Variants in ZMIZ1 observed in about 807,000 individuals in gnomAD.
ZMIZ1 encodes the protein zinc finger MIZ-type containing 1.
ZMIZ1 carries 17 observed loss-of-function variants against 113.9 expected under a neutral mutation model. The ratio of observed to expected loss-of-function variants is 0.15; its 90% confidence interval spans 0.10 to 0.22. The LOEUF is 0.22. Among genes scored for constraint, ZMIZ1 ranks in the 10% least tolerant of loss-of-function variants. The pLI is 1.00. For missense variants in ZMIZ1, 1,059 were observed against 1,477.8 expected (o/e 0.72, Z 4.65); for synonymous variants, 607 against 603.1 (o/e 1.01, Z -0.09).
chr10:79,081,291 C>T lies in ZMIZ1; in HGVS notation c.-337+12021C>T, dbSNP rs1201699503. On this transcript the variant is annotated intron_variant, in intron 1 of 24. Transcript: ENST00000334512. Reference sequence around the variant, plus strand: ...AGGCTGGAGAAGGCAGAATGGGCTTCCTGGGGAGGTGGCCTTCTTATATCC... The same window carrying T: ...AGGCTGGAGAAGGCAGAATGGGCTTTCTGGGGAGGTGGCCTTCTTATATCC... Among the ~76,000 whole-genome samples the T allele has an allele frequency of 3.3e-5, 5 of 152,170 alleles. No individual in the cohort carries two copies. The South Asian group carries it at 8.3e-4, about 25-fold the overall frequency.
At chr10:79,204,486 G>A (rs192487464) in intron 5 of ZMIZ1, among the ~76,000 whole-genome samples, 228 of 152,302 alleles carry the variant, frequency 1.5e-3, no homozygotes, top group Non-Finnish European at 2.5e-3. Context: ...CTGAGCATCT[G>A]TACCCCATCC....
At position 79,139,772 on chromosome 10, in the gene ZMIZ1, C is replaced by G. The variant is rs11002849; in HGVS notation, c.-136C>G. 4 of 398,736 alleles carry G rather than the reference C, an allele frequency of 1.0e-5. No homozygotes were observed. The highest frequency in any genetic ancestry group is 1.8e-5 in the Non-Finnish European group (4 of 226,164). The allele number at this position is 398,736 out of a possible 1,614,324, so 24.7% of individuals were successfully genotyped here. A position where few individuals can be genotyped will look rare whatever the true frequency, so the allele number is the denominator to read the frequency against. On this transcript the variant is annotated 5_prime_UTR_variant, in exon 3 of 25. Transcript: ENST00000334512. The stretch of plus-strand genomic sequence containing the variant: ...TGTTTTTCACTGAGCTGCCATACCC[C>G]GAAAGGTAACACCAGCCCCCGATGC...
At chr10:79,210,497 G>A (rs1191013316) in intron 6 of ZMIZ1, among the ~76,000 whole-genome samples, 1 of 152,250 alleles carries the variant, frequency 6.6e-6, no homozygotes, top group African/African-American at 2.4e-5. Context: ...TCTGGGAGAA[G>A]GGGCAAGGGT....
At chr10:79,120,163 G>A (rs1844225450) in intron 2 of ZMIZ1, among the ~76,000 whole-genome samples, 1 of 152,206 alleles carries the variant, frequency 6.6e-6, no homozygotes, top group Admixed American at 6.5e-5. Context: ...GAGTGGTGGT[G>A]AGTGCATAGA....
Position 79,108,177 on chromosome 10 carries a change from G to C in ZMIZ1, c.-336-10738G>C, listed in dbSNP as rs1156232953. ...GATACAGATGGTTGTATTATTAATA[G>C]TCATAATTAATCAGCATCCACAGAG... On this transcript the variant is annotated intron_variant, in intron 1 of 24. Transcript: ENST00000334512. Among the ~76,000 whole-genome samples, 61 of 152,312 alleles carry C rather than the reference G, an allele frequency of 4.0e-4. No homozygotes were observed. The South Asian group carries it at 0.012, about 30-fold the overall frequency.
intron 7 of ZMIZ1, among the ~76,000 whole-genome samples, chr10:79,259,902 G>A (rs752061185): frequency 6.6e-5 from 10 of 152,172 alleles, no homozygotes; most frequent in Non-Finnish European, 1.2e-4. Context: ...GTAAGCCACC[G>A]CGCCCAGCCT....
intron 5 of ZMIZ1, among the ~76,000 whole-genome samples, chr10:79,203,498 G>C (rs1439622241): frequency 6.6e-6 from 1 of 151,966 alleles, no homozygotes; most frequent in Non-Finnish European, 1.5e-5. Flanking sequence ...CTTTCACTCC[G>C]TTTCTCCCAC....
At chr10:79,264,937 TG>T (rs1851499768) in intron 7 of ZMIZ1, among the ~76,000 whole-genome samples, 1 of 152,094 alleles carries the variant, frequency 6.6e-6, no homozygotes, top group South Asian at 2.1e-4. Context: ...TAGTGTGAGG[TG>T]GCAGGGAATT....
chr10:79,176,740 G>A (rs762136291), intron 4 of ZMIZ1, among the ~76,000 whole-genome samples: 17 of 152,198 alleles, frequency 1.1e-4, no homozygotes, highest in Admixed American at 8.5e-4. Flanking sequence ...CACTGTCATC[G>A]TCCCCCTTTG....
chr10:79,105,531 C>A (rs911558353), intron 1 of ZMIZ1, among the ~76,000 whole-genome samples: 2 of 152,166 alleles, frequency 1.3e-5, no homozygotes, highest in Non-Finnish European at 2.9e-5. Context: ...ACTGAGAAAA[C>A]CCCTCCGCCC....
intron 7 of ZMIZ1, among the ~76,000 whole-genome samples, chr10:79,274,124 T>G (rs1264273656): frequency 6.6e-6 from 1 of 152,116 alleles, no homozygotes; most frequent in African/African-American, 2.4e-5. Flanking sequence ...CTGGCCATGT[T>G]GGTTGCTTAG....
chr10:79,316,468 G>T lies in ZMIZ1; in HGVS notation c.*3719G>T, dbSNP rs773769447. ...TTCTATACTCTGTTGTAACACTGAG[G>T]TATCTCATTTGCCCATGTTAATTTT... On this transcript the variant is annotated 3_prime_UTR_variant, in exon 25 of 25. Coordinates refer to ENST00000334512, the MANE Select transcript of ZMIZ1 (RefSeq NM_020338.4). The T allele has an allele frequency of 6.5e-6, 1 of 152,696 alleles. No individual in the cohort carries two copies. The highest frequency in any genetic ancestry group is 1.5e-5 in the Non-Finnish European group (1 of 68,024). The allele number at this position is 152,696 out of a possible 1,614,324, so 9.5% of individuals were successfully genotyped here.
chr10:79,242,918 C>G (rs927635933), intron 7 of ZMIZ1, among the ~76,000 whole-genome samples: 1 of 152,030 alleles, frequency 6.6e-6, no homozygotes, highest in East Asian at 1.9e-4. Flanking sequence ...GATTCATACT[C>G]GCTCGCGCTC....
At chr10:79,086,165 C>T (rs1222984311) in intron 1 of ZMIZ1, among the ~76,000 whole-genome samples, 2 of 152,208 alleles carry the variant, frequency 1.3e-5, no homozygotes, top group African/African-American at 4.8e-5. Context: ...TAAGAAAGGG[C>T]CTTGCCATGG....
intron 3 of ZMIZ1, among the ~76,000 whole-genome samples, chr10:79,143,282 T>C (rs1845349459): frequency 6.6e-6 from 1 of 152,080 alleles, no homozygotes; most frequent in Non-Finnish European, 1.5e-5. Context: ...TAGTATGTCT[T>C]GGGGTGCTGC....
chr10:79,201,285 G>A (rs1848067914), intron 4 of ZMIZ1, among the ~76,000 whole-genome samples: 1 of 152,212 alleles, frequency 6.6e-6, no homozygotes, highest in South Asian at 2.1e-4. Context: ...TCCAGCCTAG[G>A]TGACAAGAGC....
intron 1 of ZMIZ1, among the ~76,000 whole-genome samples, chr10:79,102,958 C>A (rs1843416996): frequency 6.6e-6 from 1 of 152,208 alleles, no homozygotes. Flanking sequence ...TGCTGACCCT[C>A]CTGGGGCTAA....
chr10:79,154,016 G>A (rs546632781), intron 3 of ZMIZ1, among the ~76,000 whole-genome samples: 3 of 152,306 alleles, frequency 2.0e-5, no homozygotes, highest in Non-Finnish European at 2.9e-5. Context: ...GTGTGCCACC[G>A]ACAGTGCCTG....
chr10:79,108,638 C>T (rs1426843938), intron 1 of ZMIZ1, among the ~76,000 whole-genome samples: 1 of 152,062 alleles, frequency 6.6e-6, no homozygotes, highest in African/African-American at 2.4e-5. Flanking sequence ...GAAGGAAAGC[C>T]AAATACCAAC....
Sources: allele counts gnomAD v4.1 joint callset (sites outside exome capture counted in the v4.1 genomes callset), GRCh38; gene constraint gnomAD v4.1.1; transcripts MANE v1.5; gene names NCBI Gene and HGNC (gene_info 2026-07-23, HGNC 2026-07-21).